Variants in FARP1 observed in about 807,000 individuals in gnomAD.
The protein encoded by FARP1 is FERM, ARH/RhoGEF and pleckstrin domain protein 1.
A neutral mutation model predicts 128.8 loss-of-function variants in FARP1; 52 were observed. That is an observed-to-expected ratio of 0.40 (90% CI 0.32 to 0.51). The LOEUF is 0.51. Among genes scored for constraint, FARP1 ranks in the 20% least tolerant of loss-of-function variants. The pLI is 0.45. For missense variants in FARP1, 1,333 were observed against 1,367.9 expected (o/e 0.97, Z 0.40); for synonymous variants, 580 against 551.8 (o/e 1.05, Z -0.72).
intron 1 of FARP1, among the ~76,000 whole-genome samples, chr13:98,165,710 GTTTTTTTTTTTTTTT>G (rs71111927): frequency 2.8e-4 from 21 of 74,134 alleles, no homozygotes; most frequent in Middle Eastern, 0.011. Context: ...TCCAGAAGGG[GTTTTTTTTTTTTTTT>G]TTTTTTTTTT....
At chr13:98,177,093 G>C in intron 1 of FARP1, 2 of 1,599,666 alleles carry the variant, frequency 1.3e-6, no homozygotes, top group Non-Finnish European at 1.7e-6. Context: ...CGTCCCCGCT[G>C]CTGCTGCTCT....
At chr13:98,246,644 C>G (rs138189689) in intron 2 of FARP1, among the ~76,000 whole-genome samples, 22 of 152,138 alleles carry the variant, frequency 1.4e-4, no homozygotes, top group Non-Finnish European at 2.4e-4. Flanking sequence ...CTAAAAAGCT[C>G]AAAGTTCTTA....
At chr13:98,169,331 T>A (rs1465381066) in intron 1 of FARP1, among the ~76,000 whole-genome samples, 1 of 152,218 alleles carries the variant, frequency 6.6e-6, no homozygotes, top group African/African-American at 2.4e-5. Context: ...TTCCGTATCA[T>A]CTCATTTCAT....
At chr13:98,422,940 T>C (rs1164795627) in intron 16 of FARP1, among the ~76,000 whole-genome samples, 1 of 152,138 alleles carries the variant, frequency 6.6e-6, no homozygotes, top group Non-Finnish European at 1.5e-5. Context: ...TTAGGAGTAT[T>C]GACTCACACG....
At chr13:98,287,015 A>C (rs1414315121) in intron 2 of FARP1, among the ~76,000 whole-genome samples, 1 of 152,052 alleles carries the variant, frequency 6.6e-6, no homozygotes, top group Non-Finnish European at 1.5e-5. Context: ...GTTGCAATTT[A>C]ATCTTTGCAT....
chr13:98,440,624 G>A (rs779611622), intron 23 of FARP1, 46 bp from the exon 24 acceptor site: 10 of 1,571,020 alleles, frequency 6.4e-6, no homozygotes, highest in African/African-American at 2.7e-5. Flanking sequence ...AGGAAGGGGC[G>A]CTGGGAGGAA....
At chr13:98,226,229 C>G (rs1045659570) in intron 2 of FARP1, among the ~76,000 whole-genome samples, 2 of 152,200 alleles carry the variant, frequency 1.3e-5, no homozygotes, top group Non-Finnish European at 2.9e-5. Flanking sequence ...TGCTTCTCTC[C>G]TGGCTCCTGG....
rs1458712214 is a variant in FARP1 at position 98,450,080 on chromosome 13, T to G, written c.*1763T>G. On this transcript the variant is annotated 3_prime_UTR_variant, in exon 27 of 27. Coordinates refer to ENST00000319562, the MANE Select transcript of FARP1 (RefSeq NM_005766.4). ...AAACTACTTGCTGGACACTGGTGGT[T>G]CTGACCTGTGACCAGCACCTCTGCT... 3 of 152,242 alleles carry G rather than the reference T, an allele frequency of 2.0e-5. No individual in the cohort carries two copies. The highest frequency in any genetic ancestry group is 2.9e-5 in the Non-Finnish European group (2 of 68,052). 9.4% of individuals were successfully genotyped at this position (152,242 alleles called of 1,614,324 possible).
chr13:98,385,526 T>C (rs1355453647), intron 7 of FARP1, 141 bp from the exon 8 acceptor site: 5 of 831,998 alleles, frequency 6.0e-6, no homozygotes, highest in Admixed American at 2.3e-5. Flanking sequence ...GAATGGGAGA[T>C]TGGGTGTCAT....
At chr13:98,169,048 T>C (rs1877472228) in intron 1 of FARP1, among the ~76,000 whole-genome samples, 1 of 152,212 alleles carries the variant, frequency 6.6e-6, no homozygotes, top group Non-Finnish European at 1.5e-5. Flanking sequence ...GTTAAGATAA[T>C]TCATTTTTTA....
intron 3 of FARP1, among the ~76,000 whole-genome samples, chr13:98,348,651 T>C (rs1186209812): frequency 6.6e-6 from 1 of 152,266 alleles, no homozygotes; most frequent in African/African-American, 2.4e-5. Flanking sequence ...GTGAAATGAA[T>C]GGATGTGGCT....
At chr13:98,229,209 C>T (rs750059725) in intron 2 of FARP1, among the ~76,000 whole-genome samples, 6 of 152,204 alleles carry the variant, frequency 3.9e-5, no homozygotes, top group Non-Finnish European at 8.8e-5. Flanking sequence ...CATTTCCCCA[C>T]ATTTCTTTGC....
chr13:98,305,122 T>A (rs1886086792), intron 2 of FARP1, among the ~76,000 whole-genome samples: 1 of 150,316 alleles, frequency 6.7e-6, no homozygotes. Context: ...ATATATATTT[T>A]TTAATTTATT....
chr13:98,143,769 G>C (rs1875269981), intron 1 of FARP1, among the ~76,000 whole-genome samples: 1 of 151,572 alleles, frequency 6.6e-6, no homozygotes, highest in South Asian at 2.1e-4. Context: ...GTCGGGCTGC[G>C]GGGCTCCGCG....
At chr13:98,263,095 A>G (rs935728130) in intron 2 of FARP1, among the ~76,000 whole-genome samples, 16 of 151,770 alleles carry the variant, frequency 1.1e-4, no homozygotes, top group African/African-American at 3.9e-4. Context: ...CGCAACCTCC[A>G]CCTCCCGGTT....
intron 3 of FARP1, among the ~76,000 whole-genome samples, chr13:98,355,428 G>A (rs1390621972): frequency 6.6e-6 from 1 of 152,138 alleles, no homozygotes; most frequent in Non-Finnish European, 1.5e-5. Flanking sequence ...TGAGAGATAT[G>A]GAAATGTATG....
In FARP1 at chr13:98,342,304, C is replaced by A. The variant is rs551334737; in HGVS notation, c.172-1458C>A. Among the ~76,000 whole-genome samples the A allele has an allele frequency of 2.0e-5, 3 of 152,312 alleles. No individual in the cohort carries two copies. In the South Asian group the frequency reaches 6.2e-4, roughly 32 times the overall value. On this transcript the variant is annotated intron_variant, in intron 2 of 26. Transcript: ENST00000319562. ...AACCTGTCCAGAAATATTTATAACA[C>A]CTGTATTCATAATTGTCAAAACTAG...
At chr13:98,177,053 C>T (rs1878120612) in intron 1 of FARP1, 1 of 1,594,348 alleles carries the variant, frequency 6.3e-7, no homozygotes, top group East Asian at 2.2e-5. Context: ...CTCGGTGCCA[C>T]CCGCGGGGGC....
intron 2 of FARP1, among the ~76,000 whole-genome samples, chr13:98,224,532 A>G (rs1174729939): frequency 2.0e-5 from 1 of 49,298 alleles, no homozygotes; most frequent in Non-Finnish European, 5.6e-5. Context: ...GTCTCAAAAA[A>G]AAAAAAAAAA....
Sources: gnomAD v4.1 joint callset for allele counts (sites outside exome capture counted in the v4.1 genomes callset) on GRCh38, gnomAD v4.1.1 for gene constraint, MANE v1.5 for transcripts, NCBI Gene and HGNC (gene_info 2026-07-23, HGNC 2026-07-21) for gene names.